TMEM164: variants seen among roughly 807,000 people sequenced by gnomAD.
The protein encoded by TMEM164 is RP13-360B22.2.
TMEM164 carries 4 observed loss-of-function variants against 18.8 expected under a neutral mutation model. The ratio of observed to expected loss-of-function variants is 0.21; its 90% CI spans 0.10 to 0.49. The LOEUF (loss-of-function observed/expected upper bound fraction) is 0.49, where lower values mean the gene tolerates loss of function less well. Ranked by LOEUF, TMEM164 falls within the 20% of genes least tolerant of loss-of-function variation. TMEM164 has a pLI of 0.98. For missense variants in TMEM164, 108 were observed against 239.9 expected (o/e 0.45, Z 3.63); for synonymous variants, 86 against 101.7 (o/e 0.85, Z 0.93).
At chrX:110,097,811 CGTT>C (rs2066045831) in intron 3 of TMEM164, among the ~76,000 whole-genome samples, 1 of 111,974 alleles carries the variant, frequency 8.9e-6, no homozygotes, top group South Asian at 3.7e-4. Context: ...GGCAGAAAAA[CGTT>C]GTTTAAAATG....
At chrX:110,074,374 T>C in intron 3 of TMEM164, among the ~76,000 whole-genome samples, 1 of 111,985 alleles carries the variant, frequency 8.9e-6, no homozygotes, top group Non-Finnish European at 1.9e-5. Flanking sequence ...GTCAGATGCG[T>C]AGTTTGTGAA....
At chrX:110,013,677 C>A (rs777567302) in intron 2 of TMEM164, among the ~76,000 whole-genome samples, 11 of 111,506 alleles carry the variant, frequency 9.9e-5, no homozygotes, top group Non-Finnish European at 9.4e-5. Flanking sequence ...AGCCTTTGGA[C>A]CATATTTCCT....
At chrX:110,169,286 A>G (rs2067198822) in intron 5 of TMEM164, among the ~76,000 whole-genome samples, 1 of 111,406 alleles carries the variant, frequency 9.0e-6, no homozygotes, top group Non-Finnish European at 1.9e-5. Context: ...ACCCAGTGAT[A>G]CCCCAGCCAG....
chrX:110,015,098 T>G (rs746972053), intron 2 of TMEM164, among the ~76,000 whole-genome samples: 1 of 111,918 alleles, frequency 8.9e-6, no homozygotes, highest in South Asian at 3.7e-4. Context: ...TGGGGCCTCG[T>G]TTTCAAGACT....
chrX:110,081,895 G>A (rs886172829), intron 3 of TMEM164, among the ~76,000 whole-genome samples: 1 of 112,487 alleles, frequency 8.9e-6, no homozygotes, highest in African/African-American at 3.2e-5. Flanking sequence ...GGTATGACGT[G>A]TGCAGCAGGC....
intron 2 of TMEM164, among the ~76,000 whole-genome samples, chrX:110,063,171 G>A (rs747501074): frequency 9.0e-5 from 10 of 111,525 alleles, no homozygotes; most frequent in East Asian, 2.8e-4. Flanking sequence ...CCACTCTCCT[G>A]TACCTCTCTC....
chrX:110,085,452 A>G (rs1169904031), intron 3 of TMEM164, among the ~76,000 whole-genome samples: 1 of 110,448 alleles, frequency 9.1e-6, no homozygotes, highest in East Asian at 2.8e-4. Context: ...GGCATGAGCC[A>G]CCATGCCTGG....
chrX:110,109,073 C>G lies in TMEM164; in HGVS notation c.441-7C>G, dbSNP rs1040093123. On this transcript the variant is annotated splice_polypyrimidine_tract_variant and splice_region_variant and intron_variant, in intron 3 of 6. Transcript: ENST00000372068. ...ATGACCTGAACTTTATCTTTCTCCC[C>G]CTCTAGGCTACAGATGCACATGTTG... is the stretch of plus-strand genomic sequence containing the variant. The G allele has an allele frequency of 3.3e-6, 4 of 1,207,380 alleles. No homozygotes were observed. The highest frequency in any genetic ancestry group is 4.4e-5 in the Admixed American group (2 of 45,664).
intron 3 of TMEM164, among the ~76,000 whole-genome samples, chrX:110,105,308 A>G (rs1043420793): frequency 9.0e-6 from 1 of 110,722 alleles, no homozygotes; most frequent in Admixed American, 9.7e-5. Context: ...GCACATTTTA[A>G]TGCATTTTTT....
chrX:110,175,915 G>C lies in TMEM164; in HGVS notation c.*2464G>C. ...GCCTTACAGGGTAGCCCACCTTATA[G>C]GGTAGCCCTCATATCTGCCCTGTGC... On this transcript the variant is annotated 3_prime_UTR_variant, in exon 7 of 7. Transcript: ENST00000372068. 5.3e-6 allele frequency: 4 copies of C among 756,057 alleles called. No individual in the cohort carries two copies. Among genetic ancestry groups the C allele is most frequent in the Non-Finnish European group, 6.3e-6 (4 of 639,679 alleles). 62.3% of individuals were successfully genotyped at this position (756,057 alleles called of 1,213,427 possible). A position where few individuals can be genotyped will look rare whatever the true frequency, so the allele number is the denominator to read the frequency against.
intron 2 of TMEM164, among the ~76,000 whole-genome samples, chrX:110,011,226 G>A (rs1932986072): frequency 8.9e-6 from 1 of 111,926 alleles, no homozygotes; most frequent in Non-Finnish European, 1.9e-5. Flanking sequence ...CCTTCATTTT[G>A]TTCACAGTTT....
chrX:110,072,507 G>A (rs1203654839), intron 3 of TMEM164, among the ~76,000 whole-genome samples: 2 of 109,988 alleles, frequency 1.8e-5, no homozygotes, highest in African/African-American at 6.6e-5. Context: ...TTTCAAATTT[G>A]TTGCCAAATA....
At chrX:110,022,829 C>T (rs1003103877) in intron 2 of TMEM164, among the ~76,000 whole-genome samples, 7 of 112,178 alleles carry the variant, frequency 6.2e-5, no homozygotes, top group African/African-American at 1.9e-4. Context: ...CAAGTATGTA[C>T]AGAATTTATG....
chrX:110,106,049 A>G (rs1490846686), intron 3 of TMEM164, among the ~76,000 whole-genome samples: 1 of 112,020 alleles, frequency 8.9e-6, no homozygotes, highest in Non-Finnish European at 1.9e-5. Flanking sequence ...ATTTGCACAT[A>G]GAAATGTTCA....
intron 2 of TMEM164, among the ~76,000 whole-genome samples, chrX:110,017,409 T>TTCCTTC (rs1569295225): frequency 7.5e-5 from 3 of 40,256 alleles, no homozygotes; most frequent in African/African-American, 2.2e-4. Flanking sequence ...CTCCTTCCTT[T>TTCCTTC]CTTTCTTTCT....
At chrX:110,039,199 T>A (rs1934984698) in intron 2 of TMEM164, among the ~76,000 whole-genome samples, 1 of 112,567 alleles carries the variant, frequency 8.9e-6, no homozygotes, top group Admixed American at 9.4e-5. Context: ...AAGGTAGTTG[T>A]TATTATTAAA....
chrX:110,116,823 TGTGTG>T (rs1298392136), intron 4 of TMEM164, among the ~76,000 whole-genome samples: 3 of 63,130 alleles, frequency 4.8e-5, no homozygotes, highest in Admixed American at 3.2e-4. Flanking sequence ...GCCACTCCCT[TGTGTG>T]TGTGTGTGTG....
At chrX:110,146,476 C>T (rs1192595930) in intron 5 of TMEM164, among the ~76,000 whole-genome samples, 3 of 112,029 alleles carry the variant, frequency 2.7e-5, no homozygotes, top group African/African-American at 9.8e-5. Context: ...AGCCCAGTTC[C>T]CTAAGTGGCG....
At chrX:110,078,962 A>G (rs1366880019) in intron 3 of TMEM164, among the ~76,000 whole-genome samples, 1 of 112,460 alleles carries the variant, frequency 8.9e-6, no homozygotes, top group Non-Finnish European at 1.9e-5. Flanking sequence ...GTGAACGTCA[A>G]TTTAATTCAT....
Sources: gnomAD v4.1 joint callset for allele counts (sites outside exome capture counted in the v4.1 genomes callset) on GRCh38, gnomAD v4.1.1 for gene constraint, MANE v1.5 for transcripts, NCBI Gene and HGNC (gene_info 2026-07-23, HGNC 2026-07-21) for gene names.